Variants in PREX1 observed in about 807,000 individuals in gnomAD.
PREX1 encodes phosphatidylinositol 3,4,5-trisphosphate-dependent Rac exchanger 1 protein.
PREX1 carries 41 observed loss-of-function variants against 198.3 expected under a neutral mutation model. The observed-to-expected ratio is 0.21, with a 90% CI of 0.16 to 0.27. The LOEUF is 0.27. PREX1 is among the 10% of genes least tolerant of loss of function. The pLI, the probability that PREX1 is intolerant of heterozygous loss-of-function variation, is 1.00. For synonymous variants in PREX1, 843 were observed against 887.2 expected, an observed-to-expected ratio of 0.95 and a Z score of 0.89; for missense variants, 1,620 against 2,200.7, an observed-to-expected ratio of 0.74 and a Z score of 5.28.
intron 30 of PREX1, among the ~76,000 whole-genome samples, chr20:48,638,321 C>T (rs554004101): frequency 6.6e-6 from 1 of 152,188 alleles, no homozygotes; most frequent in Non-Finnish European, 1.5e-5. Context: ...CACAGACACA[C>T]AACAGACACA....
intron 5 of PREX1, among the ~76,000 whole-genome samples, chr20:48,722,792 A>G (rs905071496): frequency 2.0e-5 from 3 of 152,208 alleles, no homozygotes; most frequent in Admixed American, 2.0e-4. Context: ...CCCCTGCCAC[A>G]CACTCCAAGC....
At chr20:48,710,304 T>G (rs1182723243) in intron 5 of PREX1, among the ~76,000 whole-genome samples, 1 of 152,242 alleles carries the variant, frequency 6.6e-6, no homozygotes, top group East Asian at 1.9e-4. Flanking sequence ...GCAACTGGTG[T>G]GAGCCTGAGC....
intron 1 of PREX1, among the ~76,000 whole-genome samples, chr20:48,801,519 G>C (rs755939126): frequency 1.5e-4 from 23 of 152,160 alleles, no homozygotes; most frequent in Non-Finnish European, 2.2e-4. Flanking sequence ...GTAGGTAAGG[G>C]CCAAGGCACA....
intron 1 of PREX1, among the ~76,000 whole-genome samples, chr20:48,775,970 G>T (rs546488109): frequency 6.6e-6 from 1 of 152,264 alleles, no homozygotes; most frequent in South Asian, 2.1e-4. Context: ...GTGCAGCTAA[G>T]GAGACAGGGT....
At chr20:48,882,931 CT>C in the PREX1 span, among the ~76,000 whole-genome samples, 119 of 123,674 alleles carry the variant, frequency 9.6e-4, no homozygotes, top group Admixed American at 1.3e-3. Flanking sequence ...TTGGGTTGTC[CT>C]TTTTTTTTTT....
intron 14 of PREX1, among the ~76,000 whole-genome samples, chr20:48,668,309 G>A (rs1000992193): frequency 3.9e-5 from 6 of 152,216 alleles, no homozygotes; most frequent in Non-Finnish European, 7.3e-5. Flanking sequence ...CAGGCCCGTG[G>A]GGGCCAGGAG....
At position 48,688,761 on chromosome 20, in the gene PREX1, C is replaced by T. The variant is rs199924904; in HGVS notation, c.1230G>A (p.Ala410=). The T allele has an allele frequency of 2.8e-5, 46 of 1,614,202 alleles. No homozygotes were observed. The highest frequency in any genetic ancestry group is 7.7e-5 in the South Asian group (7 of 91,086). ...TGTGGTACAGCTTCTCCCCCTTCTCCGCAATCATGACGTAGGCATCACGCT... is the reference window on the plus strand; with the variant it reads ...TGTGGTACAGCTTCTCCCCCTTCTCTGCAATCATGACGTAGGCATCACGCT... ...GMERDAYVMI[A]EKGEKLYHMM... Residue 410 remains alanine, a synonymous_variant, in exon 10 of 40, where the codon GCG becomes GCA. Transcript: ENST00000371941.
chr20:48,739,849 G>C (rs2090073294), intron 3 of PREX1, among the ~76,000 whole-genome samples: 1 of 152,142 alleles, frequency 6.6e-6, no homozygotes. Flanking sequence ...CTGGGCCTTG[G>C]TTTCCTCATC....
rs903050929 is a variant in PREX1 at position 48,624,389 on chromosome 20, A to C, written c.*1496T>G. ...CCCCCATTTCCCGCAGCAGGGCTAA[A>C]GCGGGTCCTCCTTTGTCTCTGATGC... On this transcript the variant is annotated 3_prime_UTR_variant, in exon 40 of 40. Coordinates refer to ENST00000371941, the MANE Select transcript of PREX1 (RefSeq NM_020820.4). The C allele has an allele frequency of 6.5e-6, 1 of 152,680 alleles. No homozygotes were observed. The highest frequency in any genetic ancestry group is 1.5e-5 in the Non-Finnish European group (1 of 68,050). 9.5% of individuals were successfully genotyped at this position (152,680 alleles called of 1,614,324 possible).
intron 1 of PREX1, among the ~76,000 whole-genome samples, chr20:48,753,873 C>A (rs1417762177): frequency 2.0e-5 from 3 of 152,206 alleles, no homozygotes; most frequent in Non-Finnish European, 4.4e-5. Flanking sequence ...CCACCTGAAC[C>A]CTGTTACCCT....
chr20:48,781,153 G>A (rs1212112188), intron 1 of PREX1, among the ~76,000 whole-genome samples: 1 of 152,168 alleles, frequency 6.6e-6, no homozygotes, highest in Non-Finnish European at 1.5e-5. Flanking sequence ...ATGCAACATG[G>A]TGCCCTAGGT....
At chr20:48,656,081 C>T (rs2122919751) in intron 18 of PREX1, among the ~76,000 whole-genome samples, 1 of 152,272 alleles carries the variant, frequency 6.6e-6, no homozygotes, top group Middle Eastern at 3.4e-3. Flanking sequence ...ACCAACCCAT[C>T]GATCAACCAC....
intron 1 of PREX1, among the ~76,000 whole-genome samples, chr20:48,797,014 A>G (rs866676942): frequency 2.0e-5 from 3 of 152,190 alleles, no homozygotes; most frequent in Admixed American, 6.5e-5. Context: ...TTATTCAGAT[A>G]TATCTTATTA....
the PREX1 span, among the ~76,000 whole-genome samples, chr20:48,858,598 G>A: frequency 3.3e-5 from 5 of 152,112 alleles, no homozygotes; most frequent in African/African-American, 9.7e-5. Flanking sequence ...TGGGGTGTAG[G>A]CTCCCAGAGG....
At chr20:48,798,462 A>G (rs1410990678) in intron 1 of PREX1, among the ~76,000 whole-genome samples, 4 of 152,130 alleles carry the variant, frequency 2.6e-5, no homozygotes, top group African/African-American at 4.8e-5. Context: ...CACTGGGAGG[A>G]AATCCCTGCT....
chr20:48,755,426 T>C (rs2090152064), intron 1 of PREX1, among the ~76,000 whole-genome samples: 2 of 152,212 alleles, frequency 1.3e-5, no homozygotes, highest in South Asian at 2.1e-4. Context: ...CCCTTGCAGC[T>C]AGGTGTGGGC....
intron 5 of PREX1, among the ~76,000 whole-genome samples, chr20:48,719,123 A>G (rs971708298): frequency 6.6e-6 from 1 of 152,236 alleles, no homozygotes; most frequent in African/African-American, 2.4e-5. Context: ...AGAGAGGTTC[A>G]GCAACTTGCC....
At chr20:48,753,122 G>T (rs2090141297) in intron 1 of PREX1, among the ~76,000 whole-genome samples, 1 of 152,122 alleles carries the variant, frequency 6.6e-6, no homozygotes, top group Non-Finnish European at 1.5e-5. Flanking sequence ...AGTGTTTCCA[G>T]GGTCCCCAGA....
At chr20:48,830,895 G>A (rs747054209), upstream of PREX1, among the ~76,000 whole-genome samples, 2 of 152,224 alleles carry the variant, frequency 1.3e-5, no homozygotes, top group African/African-American at 2.4e-5. Context: ...TTTACAATGC[G>A]TGGATTGAGT....
Sources: allele counts gnomAD v4.1 joint callset (sites outside exome capture counted in the v4.1 genomes callset), GRCh38; gene constraint gnomAD v4.1.1; transcripts MANE v1.5; gene names NCBI Gene and HGNC (gene_info 2026-07-23, HGNC 2026-07-21).